GRK3: variants seen among roughly 807,000 people sequenced by gnomAD.
GRK3 encodes adrenergic, beta, receptor kinase 2.
In GRK3, 54 loss-of-function variants were observed where a neutral mutation model predicts 95.7. The observed-to-expected ratio is 0.56, with a 90% CI of 0.45 to 0.71. The LOEUF is 0.71. Among genes scored for constraint, GRK3 ranks in the 30% least tolerant of loss-of-function variants. The pLI is 0.00. For missense variants in GRK3, 649 were observed against 851.2 expected, an observed-to-expected ratio of 0.76 and a Z score of 2.96; for synonymous variants, 281 against 290.8, an observed-to-expected ratio of 0.97 and a Z score of 0.34.
intron 3 of GRK3, among the ~76,000 whole-genome samples, chr22:25,646,887 G>GCAT (rs2084786879): frequency 6.6e-6 from 1 of 151,786 alleles, no homozygotes; most frequent in African/African-American, 2.4e-5. Flanking sequence ...CAGGTGTGGT[G>GCAT]GTGCATGCCT....
chr22:25,585,386 A>G (rs1184998866), intron 1 of GRK3, among the ~76,000 whole-genome samples: 1 of 152,206 alleles, frequency 6.6e-6, no homozygotes, highest in Non-Finnish European at 1.5e-5. Context: ...ACTGATAGGT[A>G]GAATGTAATG....
intron 2 of GRK3, among the ~76,000 whole-genome samples, chr22:25,628,238 T>C (rs2084641190): frequency 6.6e-6 from 1 of 152,198 alleles, no homozygotes; most frequent in Non-Finnish European, 1.5e-5. Flanking sequence ...GGCACTCCTA[T>C]CCATTGCTGG....
intron 1 of GRK3, among the ~76,000 whole-genome samples, chr22:25,590,795 C>T (rs1932464517): frequency 6.6e-6 from 1 of 152,084 alleles, no homozygotes; most frequent in Non-Finnish European, 1.5e-5. Flanking sequence ...CAGAGCGATA[C>T]TGCGTCTCAA....
chr22:25,612,957 T>A (rs1297064918), intron 2 of GRK3, among the ~76,000 whole-genome samples: 3 of 152,056 alleles, frequency 2.0e-5, no homozygotes, highest in Admixed American at 6.5e-5. Flanking sequence ...AACCCCAAAA[T>A]ACTAAAAAAC....
intron 1 of GRK3, among the ~76,000 whole-genome samples, chr22:25,575,128 C>T (rs1426917070): frequency 6.6e-6 from 1 of 152,172 alleles, no homozygotes; most frequent in Non-Finnish European, 1.5e-5. Flanking sequence ...TTAAATTCCA[C>T]ATGGAAAACT....
rs371874861 is a variant in GRK3 at position 25,587,884 on chromosome 22, C to T, written c.114-16493C>T. Among the ~76,000 whole-genome samples, 11 of 152,318 alleles carry T rather than the reference C, an allele frequency of 7.2e-5. No individual in the cohort carries two copies. In the East Asian group the frequency reaches 1.7e-3, roughly 24 times the overall value. On this transcript the variant is annotated intron_variant, in intron 1 of 20. Transcript: ENST00000324198. ...CCTTCCACCATGATTGTGAGGCCTC[C>T]CCAGCCACATGGAACTATAAGTCCA...
At chr22:25,566,286 A>G (rs962018425) in intron 1 of GRK3, among the ~76,000 whole-genome samples, 26 of 152,226 alleles carry the variant, frequency 1.7e-4, no homozygotes, top group Non-Finnish European at 3.5e-4. Flanking sequence ...TTGGAATCTA[A>G]ACCAAAGTTA....
intron 1 of GRK3, among the ~76,000 whole-genome samples, chr22:25,604,012 G>T (rs2084426918): frequency 6.6e-6 from 1 of 152,120 alleles, no homozygotes; most frequent in Admixed American, 6.6e-5. Flanking sequence ...TTGTGGTGGG[G>T]GGGCACAGGC....
intron 1 of GRK3, among the ~76,000 whole-genome samples, chr22:25,600,381 C>T (rs2146336872): frequency 6.6e-6 from 1 of 152,238 alleles, no homozygotes; most frequent in African/African-American, 2.4e-5. Context: ...CTCAGGTGAT[C>T]CACCTGCCTC....
At chr22:25,670,480 C>T (rs1213777588) in intron 6 of GRK3, among the ~76,000 whole-genome samples, 1 of 151,404 alleles carries the variant, frequency 6.6e-6, no homozygotes, top group Non-Finnish European at 1.5e-5. Flanking sequence ...CGGCCTGGGA[C>T]ACAGAGTGAG....
At chr22:25,662,396 T>C (rs899238836) in intron 4 of GRK3, among the ~76,000 whole-genome samples, 1 of 152,226 alleles carries the variant, frequency 6.6e-6, no homozygotes, top group Non-Finnish European at 1.5e-5. Context: ...CAGTTCCTCA[T>C]GAGCCACATT....
intron 1 of GRK3, among the ~76,000 whole-genome samples, chr22:25,595,449 T>C (rs1451768440): frequency 6.6e-6 from 1 of 152,208 alleles, no homozygotes; most frequent in Non-Finnish European, 1.5e-5. Context: ...CAAATTACTT[T>C]TTGTGTGTAG....
At chr22:25,613,052 T>C (rs2084510841) in intron 2 of GRK3, among the ~76,000 whole-genome samples, 1 of 152,204 alleles carries the variant, frequency 6.6e-6, no homozygotes, top group Non-Finnish European at 1.5e-5. Flanking sequence ...AAATTATTGC[T>C]TGACATGTTT....
At chr22:25,648,177 G>C in intron 3 of GRK3, 1 of 709,840 alleles carries the variant, frequency 1.4e-6, no homozygotes, top group South Asian at 1.5e-5. Flanking sequence ...AACTACTAAA[G>C]GTGCTTATTC....
At chr22:25,609,149 A>T (rs1328264061) in intron 2 of GRK3, among the ~76,000 whole-genome samples, 1 of 152,144 alleles carries the variant, frequency 6.6e-6, no homozygotes, top group Non-Finnish European at 1.5e-5. Flanking sequence ...GTTATAGTTA[A>T]GATTCTTTTG....
At chr22:25,628,293 A>G (rs2146365351) in intron 2 of GRK3, among the ~76,000 whole-genome samples, 1 of 152,360 alleles carries the variant, frequency 6.6e-6, no homozygotes, top group South Asian at 2.1e-4. Context: ...TAGTGTGGCC[A>G]TGTCTATTGA....
intron 2 of GRK3, among the ~76,000 whole-genome samples, chr22:25,615,609 A>G (rs529143230): frequency 2.8e-4 from 42 of 148,968 alleles, no homozygotes; most frequent in African/African-American, 9.7e-4. Flanking sequence ...TTCGTTTAAT[A>G]AATTTAACTA....
In GRK3 at chr22:25,696,117, G is replaced by A. The variant is rs1368737601; in HGVS notation, c.1160+903G>A. On this transcript the variant is annotated intron_variant, in intron 13 of 20. Transcript: ENST00000324198. ...CCCAAAGTGCTGGGATTACAGGTAT[G>A]AGCCACCGCGTCCGGCCTACACCCA... 2.0e-5 allele frequency among the ~76,000 whole-genome samples: 3 copies of A among 152,030 alleles called. No homozygotes were observed. In the South Asian group the frequency reaches 6.2e-4, roughly 32 times the overall value.
intron 19 of GRK3, 127 bp downstream of exon 19, chr22:25,718,508 A>C: frequency 3.6e-6 from 4 of 1,101,572 alleles, no homozygotes; most frequent in Non-Finnish European, 3.9e-6. Flanking sequence ...ACTGCTCTAC[A>C]TGAGATTGTA....
Sources: gnomAD v4.1 joint callset for allele counts (sites outside exome capture counted in the v4.1 genomes callset) on GRCh38, gnomAD v4.1.1 for gene constraint, MANE v1.5 for transcripts, NCBI Gene and HGNC (gene_info 2026-07-23, HGNC 2026-07-21) for gene names.